The following SLC24A1 variants were observed in gnomAD, a reference collection of about 807,000 sequenced individuals.
SLC24A1 encodes solute carrier family 24 member 1.
In SLC24A1, 52 loss-of-function variants were observed where a neutral mutation model predicts 88.1. That is an observed-to-expected ratio of 0.59 (90% confidence interval 0.47 to 0.74). The LOEUF is 0.74. Among genes scored for constraint, SLC24A1 ranks in the 30% least tolerant of loss-of-function variants. The pLI is 0.00. For missense variants in SLC24A1, 1,173 were observed against 1,363.3 expected, an observed-to-expected ratio of 0.86 and a Z score of 2.20; for synonymous variants, 455 against 498.0, an observed-to-expected ratio of 0.91 and a Z score of 1.15.
intron 7 of SLC24A1, 67 bp from the exon 8 acceptor site, chr15:65,651,603 C>T: frequency 1.2e-6 from 1 of 812,330 alleles, no homozygotes; most frequent in Non-Finnish European, 2.1e-6. Flanking sequence ...GTTGGGCTTG[C>T]TCAGAAGGGC....
At chr15:65,611,860 A>C (rs548299230) in intron 1 of SLC24A1, 96 of 152,418 alleles carry the variant, frequency 6.3e-4, no homozygotes, top group African/African-American at 2.2e-3. Context: ...AACGCACGAG[A>C]ATCTTGGGGG....
chr15:65,616,587 G>A (rs2074152739), intron 2 of SLC24A1, among the ~76,000 whole-genome samples: 1 of 152,012 alleles, frequency 6.6e-6, no homozygotes, highest in African/African-American at 2.4e-5. Flanking sequence ...TTTTTTTCTT[G>A]TGAATTTGTT....
rs375749809 is a variant in SLC24A1 at position 65,650,424 on chromosome 15, G to A, written c.2275G>A (p.Glu759Lys). ...CGAGAGCACAGGTGAAATGCCAGGC[G>A]AAGAGGGCGAAACTGCTGGTGAAGG... is the stretch of plus-strand genomic sequence containing the variant. ...EAESTGEMPG[E>K]EGETAGEGET... Residue 759 changes from glutamate (E) to lysine (K), a missense_variant, in exon 7 of 10, where the codon GAA becomes AAA. By Grantham distance (56) the Glu-to-Lys change is moderately conservative. Coordinates refer to ENST00000261892, the MANE Select transcript of SLC24A1 (RefSeq NM_004727.3). The surrounding 1 kb of genome is among the most constrained non-coding windows in gnomAD (Gnocchi z 4.1). 1.0e-4 allele frequency: 157 copies of A among 1,551,720 alleles called. 1 individual carries two copies. In the African/African-American group the frequency reaches 1.9e-3, roughly 19 times the overall value.
At position 65,625,167 on chromosome 15, in the gene SLC24A1, A is replaced by G; in HGVS notation, c.1087A>G (p.Ile363Val). ...ATCAGCCATCAAAACAGCCCCAGCC[A>G]TAGTCTGGAGGCTGGCAAAGAAACC... Reference protein sequence around the residue: ...SVSAIKTAPAIVWRLAKKPST... With the variant: ...SVSAIKTAPAVVWRLAKKPST... Residue 363 changes from isoleucine to valine, a missense_variant, in exon 2 of 10, where the codon ATA (isoleucine) becomes GTA (valine). Physicochemically the swap from Ile to Val is conservative, Grantham distance 29 (BLOSUM62 3). Transcript: ENST00000261892. 2 of 1,613,950 alleles carry G rather than the reference A, an allele frequency of 1.2e-6. No individual in the cohort carries two copies. Among genetic ancestry groups the G allele is most frequent in the Non-Finnish European group, 1.7e-6 (2 of 1,179,880 alleles).
chr15:65,650,248 C>A lies in SLC24A1; in HGVS notation c.2233-134C>A. 1 of 667,848 alleles carries A rather than the reference C, an allele frequency of 1.5e-6. No homozygotes were observed. The highest frequency in any genetic ancestry group is 2.0e-5 in the South Asian group (1 of 49,030). The allele number at this position is 667,848 out of a possible 1,614,324, so 41.4% of individuals were successfully genotyped here. A position where few individuals can be genotyped will look rare whatever the true frequency, so the allele number is the denominator to read the frequency against. On this transcript the variant is annotated intron_variant, in intron 6 of 9. Transcript: ENST00000261892. The surrounding 1 kb of genome is among the most constrained non-coding windows in gnomAD (Gnocchi z 4.1). Reference sequence around the variant, plus strand: ...GGTCATGGGAATTCTGCTGAATTATCGCACTAGTTTTCTCCTCATACTTAA... The same window carrying A: ...GGTCATGGGAATTCTGCTGAATTATAGCACTAGTTTTCTCCTCATACTTAA...
intron 3 of SLC24A1, among the ~76,000 whole-genome samples, chr15:65,638,516 C>A (rs935815046): frequency 6.6e-6 from 1 of 152,138 alleles, no homozygotes; most frequent in Non-Finnish European, 1.5e-5. Context: ...TAATGTACAG[C>A]CCAACATTGT....
chr15:65,653,805 T>C lies in SLC24A1; in HGVS notation c.3051-25T>C, dbSNP rs1596356016. The C allele has an allele frequency of 4.3e-6, 7 of 1,611,160 alleles. No homozygotes were observed. The East Asian group carries it at 1.6e-4, about 36-fold the overall frequency. On this transcript the variant is annotated intron_variant, in intron 9 of 9. Transcript: ENST00000261892. ...GGATTATTATAAACATTAAGGATAT[T>C]CACATCGTTTCTTCAATCTTGCAGC...
Position 65,655,628 on chromosome 15 carries a change from G to A in SLC24A1, c.*1549G>A. 1 of 985,296 alleles carries A rather than the reference G, an allele frequency of 1.0e-6. No individual in the cohort carries two copies. The highest frequency in any genetic ancestry group is 1.1e-4 in the East Asian group (1 of 8,808). 61.0% of individuals were successfully genotyped at this position (985,296 alleles called of 1,614,324 possible). ...GCTCGGGTGACTGCAGATTATGATG[G>A]TAAATATGGCTTTAATTACAAACAT... On this transcript the variant is annotated 3_prime_UTR_variant, in exon 10 of 10. Coordinates refer to ENST00000261892, the MANE Select transcript of SLC24A1 (RefSeq NM_004727.3).
At chr15:65,644,246 G>A in intron 4 of SLC24A1, 181 bp from the exon 5 acceptor site, 1 of 630,946 alleles carries the variant, frequency 1.6e-6, no homozygotes, top group South Asian at 1.8e-5. Context: ...AGAACTTTGG[G>A]AATTAGGCAC....
upstream of SLC24A1, among the ~76,000 whole-genome samples, chr15:65,618,528 T>C (rs1281212979): frequency 1.3e-5 from 2 of 152,152 alleles, no homozygotes; most frequent in Non-Finnish European, 2.9e-5. Flanking sequence ...TTTTCTCCAA[T>C]TGAGATGGGA....
chr15:65,629,206 C>T (rs915546081), intron 2 of SLC24A1, among the ~76,000 whole-genome samples: 4 of 152,216 alleles, frequency 2.6e-5, no homozygotes, highest in African/African-American at 9.7e-5. Flanking sequence ...CACCTGATAG[C>T]TGTTGAGTTT....
chr15:65,648,131 A>G lies in SLC24A1; in HGVS notation c.2233-2251A>G, dbSNP rs1261338990. Among the ~76,000 whole-genome samples the G allele has an allele frequency of 1.3e-4, 20 of 152,242 alleles. No homozygotes were observed. The East Asian group carries it at 3.5e-3, about 27-fold the overall frequency. ...AAAAATTAGCCAGGTGTGGTGGCAC[A>G]TGCCTGTAATCCCAGCTACTCGGGA... On this transcript the variant is annotated intron_variant, in intron 6 of 9. Coordinates refer to ENST00000261892, the MANE Select transcript of SLC24A1 (RefSeq NM_004727.3).
At chr15:65,636,195 C>T (rs2074927446) in intron 2 of SLC24A1, among the ~76,000 whole-genome samples, 1 of 152,172 alleles carries the variant, frequency 6.6e-6, no homozygotes, top group Non-Finnish European at 1.5e-5. Context: ...TGGCTCACAC[C>T]TGTGATCCCA....
Position 65,655,556 on chromosome 15 carries a change from C to T in SLC24A1, c.*1477C>T, listed in dbSNP as rs1184268823. ...TTTACTAGAATCAAGTTAAGGGACA[C>T]GTTAGAAATAGAACAGCTTAATATC... On this transcript the variant is annotated 3_prime_UTR_variant, in exon 10 of 10. Transcript: ENST00000261892. The T allele has an allele frequency of 4.5e-5, 44 of 985,188 alleles. No homozygotes were observed. The highest frequency in any genetic ancestry group is 4.8e-5 in the Non-Finnish European group (40 of 829,898). 61.0% of individuals were successfully genotyped at this position (985,188 alleles called of 1,614,324 possible).
chr15:65,617,468 G>A (rs1464612675), upstream of SLC24A1, among the ~76,000 whole-genome samples: 2 of 152,120 alleles, frequency 1.3e-5, no homozygotes, highest in Non-Finnish European at 2.9e-5. Flanking sequence ...GTATTCCTAG[G>A]TATTTTATTC....
At position 65,624,390 on chromosome 15, in the gene SLC24A1, C is replaced by G. The variant is rs1457090112; in HGVS notation, c.310C>G (p.Leu104Val). ...CTCAGTGGGCAGTGATGAAGCAACA[C>G]TGAGCATGACAGTGGAGAATATCCC... ...QASVGSDEAT[L>V]SMTVENIPSM... Residue 104 changes from leucine (L) to valine (V), a missense_variant, in exon 2 of 10, where the codon CTG (leucine) becomes GTG (valine). Leu to Val is a conservative substitution (Grantham distance 32). Coordinates refer to ENST00000261892, the MANE Select transcript of SLC24A1 (RefSeq NM_004727.3). The G allele has an allele frequency of 6.2e-7, 1 of 1,613,496 alleles. No individual in the cohort carries two copies. Among genetic ancestry groups the G allele is most frequent in the East Asian group, 2.2e-5 (1 of 44,894 alleles).
chr15:65,624,830 G>A lies in SLC24A1; in HGVS notation c.750G>A (p.Lys250=). Residue 250 remains lysine (K), a synonymous_variant, in exon 2 of 10, where the codon AAG becomes AAA. Coordinates refer to ENST00000261892, the MANE Select transcript of SLC24A1 (RefSeq NM_004727.3). ...IMEETTPTTL[K]GMFDSTPTFL... is the part of the protein sequence containing the mutation. Reference sequence around the variant, plus strand: ...AGGAAACCACCCCAACCACTCTCAAGGGAATGTTTGATAGCACCCCAACTT... The same window carrying A: ...AGGAAACCACCCCAACCACTCTCAAAGGAATGTTTGATAGCACCCCAACTT... 1 of 1,614,012 alleles carries A rather than the reference G, an allele frequency of 6.2e-7. No homozygotes were observed. The highest frequency in any genetic ancestry group is 8.5e-7 in the Non-Finnish European group (1 of 1,179,892).
upstream of SLC24A1, among the ~76,000 whole-genome samples, chr15:65,617,156 G>A (rs551646265): frequency 1.3e-3 from 204 of 152,246 alleles, no homozygotes; most frequent in Middle Eastern, 3.4e-3. Context: ...GTCAGGTGGC[G>A]TGATGCCTCC....
chr15:65,624,792 A>G lies in SLC24A1; in HGVS notation c.712A>G (p.Lys238Glu). 1 of 1,614,020 alleles carries G rather than the reference A, an allele frequency of 6.2e-7. No individual in the cohort carries two copies. The highest frequency in any genetic ancestry group is 8.5e-7 in the Non-Finnish European group (1 of 1,179,884). Residue 238 changes from lysine (K) to glutamate (E), a missense_variant, in exon 2 of 10, where the codon AAG becomes GAG. Lys to Glu is a moderately conservative substitution (Grantham distance 56, BLOSUM62 1). Transcript: ENST00000261892. Reference sequence around the variant, plus strand: ...TAAAATACTCGAAACCAACTCTCTTAAGAGAATAATGGAGGAAACCACCCC... The same window carrying G: ...TAAAATACTCGAAACCAACTCTCTTGAGAGAATAATGGAGGAAACCACCCC... ...TYKILETNSL[K>E]RIMEETTPTT... is the part of the protein sequence containing the mutation.
Sources: gnomAD v4.1 joint callset for allele counts (sites outside exome capture counted in the v4.1 genomes callset) on GRCh38, gnomAD v4.1.1 for gene constraint, Gnocchi (gnomAD v3.1) non-coding constraint, MANE v1.5 for transcripts, NCBI Gene and HGNC (gene_info 2026-07-23, HGNC 2026-07-21) for gene names.